SLC35F2: variants seen among roughly 807,000 people sequenced by gnomAD.
SLC35F2 encodes the protein solute carrier family 35 member F2.
A neutral mutation model predicts 38.1 loss-of-function variants in SLC35F2; 25 were observed. The ratio of observed to expected loss-of-function variants is 0.66; its 90% confidence interval spans 0.48 to 0.92. The LOEUF is 0.92. Ranked by LOEUF, SLC35F2 falls within the 40% of genes least tolerant of loss-of-function variation. The probability of loss-of-function intolerance (pLI) is 0.00; values close to 1 mark genes in which losing one functional copy is unlikely to be tolerated. For missense variants in SLC35F2, 409 were observed against 452.9 expected (o/e 0.90, Z 0.88); for synonymous variants, 173 against 181.7 (o/e 0.95, Z 0.38).
At chr11:107,828,729 T>G (rs1859791663) in intron 1 of SLC35F2, among the ~76,000 whole-genome samples, 1 of 150,400 alleles carries the variant, frequency 6.6e-6, no homozygotes, top group Non-Finnish European at 1.5e-5. Context: ...CAATAGCTCC[T>G]AACAACAAAA....
At chr11:107,803,194 G>C (rs1859340867) in intron 6 of SLC35F2, 39 bp from the exon 7 acceptor site, 6 of 1,562,232 alleles carry the variant, frequency 3.8e-6, no homozygotes, top group Non-Finnish European at 5.2e-6. Context: ...ATTAGGGCAA[G>C]AAAACATAAG....
Position 107,805,143 on chromosome 11 carries a change from T to C in SLC35F2, c.731+216A>G. The stretch of plus-strand genomic sequence containing the variant: ...AATCAGGAATCCTAAGCAACACACA[T>C]GTTTAAGAAAATAGGAAGTAATTCT... On this transcript the variant is annotated intron_variant, in intron 5 of 7. Transcript: ENST00000525815. 3 of 985,214 alleles carry C rather than the reference T, an allele frequency of 3.0e-6. 1 individual carries two copies. Among genetic ancestry groups the C allele is most frequent in the Middle Eastern group, 1.0e-3 (2 of 1,914 alleles). 61.0% of individuals were successfully genotyped at this position (985,214 alleles called of 1,614,324 possible).
chr11:107,819,185 A>C (rs1317203894), intron 1 of SLC35F2, among the ~76,000 whole-genome samples: 2 of 152,218 alleles, frequency 1.3e-5, no homozygotes, highest in African/African-American at 4.8e-5. Flanking sequence ...CTGGAGATAT[A>C]TCCAAGAACA....
intron 1 of SLC35F2, among the ~76,000 whole-genome samples, chr11:107,833,968 T>C (rs1859890385): frequency 1.3e-5 from 2 of 152,226 alleles, no homozygotes; most frequent in African/African-American, 4.8e-5. Context: ...CTCTAAATCT[T>C]TCATTAGAGT....
chr11:107,807,988 T>C (rs967426126), intron 3 of SLC35F2, among the ~76,000 whole-genome samples: 3 of 152,170 alleles, frequency 2.0e-5, no homozygotes, highest in African/African-American at 7.2e-5. Flanking sequence ...TGAAAGGAGC[T>C]AGGAATAGCG....
At chr11:107,809,908 G>A in intron 3 of SLC35F2, 1 of 985,396 alleles carries the variant, frequency 1.0e-6, no homozygotes, top group Non-Finnish European at 1.2e-6. Flanking sequence ...GAAGGAGCAG[G>A]CCATGAGTGG....
intron 1 of SLC35F2, among the ~76,000 whole-genome samples, chr11:107,817,745 C>T (rs1261915204): frequency 6.6e-6 from 1 of 151,926 alleles, no homozygotes; most frequent in Non-Finnish European, 1.5e-5. Flanking sequence ...AACATGTATC[C>T]GTGTATCTAT....
intron 3 of SLC35F2, 63 bp downstream of exon 3, chr11:107,811,603 AT>A: frequency 1.4e-6 from 2 of 1,464,626 alleles, no homozygotes; most frequent in Non-Finnish European, 1.9e-6. Context: ...AGGTCAACAC[AT>A]ATGACTTCGT....
chr11:107,796,519 T>C (rs1051852817), intron 7 of SLC35F2, among the ~76,000 whole-genome samples: 1 of 152,160 alleles, frequency 6.6e-6, no homozygotes, highest in African/African-American at 2.4e-5. Flanking sequence ...TGAAATAAGC[T>C]AGGGCACAGA....
chr11:107,811,627 A>C lies in SLC35F2; in HGVS notation c.414+40T>G, dbSNP rs777436205. ...CATATGACTTCGTGTTCTTCTTTTGAAGCTATAAAATCCAAAGTGGTCAGA... is the reference window on the plus strand; with the variant it reads ...CATATGACTTCGTGTTCTTCTTTTGCAGCTATAAAATCCAAAGTGGTCAGA... On this transcript the variant is annotated intron_variant, in intron 3 of 7. Coordinates refer to ENST00000525815, the MANE Select transcript of SLC35F2 (RefSeq NM_017515.5). 2.6e-5 allele frequency: 41 copies of C among 1,551,798 alleles called. No individual in the cohort carries two copies. In the South Asian group the frequency reaches 5.0e-4, roughly 19 times the overall value.
chr11:107,844,429 A>G (rs1406717186), intron 1 of SLC35F2, among the ~76,000 whole-genome samples: 1 of 151,434 alleles, frequency 6.6e-6, no homozygotes, highest in Non-Finnish European at 1.5e-5. Flanking sequence ...GGAGTTTGAG[A>G]TCAGCCTGGC....
intron 2 of SLC35F2, among the ~76,000 whole-genome samples, chr11:107,815,076 TA>T (rs1183825338): frequency 3.3e-5 from 5 of 150,852 alleles, no homozygotes; most frequent in South Asian, 2.1e-4. Flanking sequence ...AGACTCTGTA[TA>T]AAAAAAAAGA....
chr11:107,793,036 C>T (rs776219037), intron 7 of SLC35F2: 2 of 496,906 alleles, frequency 4.0e-6, no homozygotes, highest in Non-Finnish European at 5.2e-6. Flanking sequence ...CCCGCCTCAA[C>T]CTCCAGAGTA....
chr11:107,808,070 A>G (rs11822726), intron 3 of SLC35F2, among the ~76,000 whole-genome samples: 22,917 of 152,160 alleles, frequency 0.15, 2,802 homozygotes, highest in East Asian at 0.42. Flanking sequence ...AAATAATCAC[A>G]CCACCAGATA....
At chr11:107,819,158 T>C (rs1313278987) in intron 1 of SLC35F2, among the ~76,000 whole-genome samples, 1 of 152,182 alleles carries the variant, frequency 6.6e-6, no homozygotes, top group African/African-American at 2.4e-5. Flanking sequence ...TAGTAAAGTT[T>C]AAAGGAATCA....
chr11:107,852,599 G>C (rs1860204293), intron 1 of SLC35F2, among the ~76,000 whole-genome samples: 2 of 151,838 alleles, frequency 1.3e-5, no homozygotes, highest in South Asian at 4.2e-4. Flanking sequence ...GCTGGGCGCA[G>C]TGGCTCATGC....
intron 7 of SLC35F2, among the ~76,000 whole-genome samples, chr11:107,800,131 G>A (rs143477592): frequency 0.018 from 2,731 of 151,848 alleles, 63 homozygotes; most frequent in East Asian, 0.1. Context: ...CTCGTGATCC[G>A]CCCGCCTCGG....
At chr11:107,832,322 C>G (rs1424017665) in intron 1 of SLC35F2, among the ~76,000 whole-genome samples, 1 of 152,082 alleles carries the variant, frequency 6.6e-6, no homozygotes, top group African/African-American at 2.4e-5. Flanking sequence ...TCTACGAGAA[C>G]AAGAAAAGGC....
At position 107,845,950 on chromosome 11, in the gene SLC35F2, CATAAATAAATAA is replaced by C. The variant is rs57548679; in HGVS notation, c.110+12696_110+12707del. Among the ~76,000 whole-genome samples, 192 of 142,924 alleles carry C rather than the reference CATAAATAAATAA, an allele frequency of 1.3e-3. 1 individual carries two copies. Among genetic ancestry groups the C allele is most frequent in the African/African-American group, 4.2e-3 (163 of 38,694 alleles). 93.8% of individuals were successfully genotyped at this position (142,924 alleles called of 152,430 possible). On this transcript the variant is annotated intron_variant, in intron 1 of 7. Transcript: ENST00000525815. ...CCTGGGCGACAGACTGAGATTCTGT[CATAAATAAATAA>C]ATAAATAAATAAATAAATAAATAAA...
Sources: gnomAD v4.1 joint callset for allele counts (sites outside exome capture counted in the v4.1 genomes callset) on GRCh38, gnomAD v4.1.1 for gene constraint, MANE v1.5 for transcripts, NCBI Gene and HGNC (gene_info 2026-07-23, HGNC 2026-07-21) for gene names.